The following KDM4C variants were observed in gnomAD, a reference collection of about 807,000 sequenced individuals.
The protein encoded by KDM4C is lysine demethylase 4C, also known as lysine-specific demethylase 4C.
Under a neutral mutation model 129.3 loss-of-function variants are expected in KDM4C, and 81 were observed. The ratio of observed to expected loss-of-function variants is 0.63; its 90% CI spans 0.52 to 0.75. The LOEUF is 0.75. Ranked by LOEUF, KDM4C falls within the 30% of genes least tolerant of loss-of-function variation. KDM4C has a pLI of 0.00. For synonymous variants in KDM4C, 573 were observed against 456.1 expected, an observed-to-expected ratio of 1.26 and a Z score of -3.26; for missense variants, 1,457 against 1,304.0, an observed-to-expected ratio of 1.12 and a Z score of -1.81.
chr9:7,105,665 G>A (rs1022399630), intron 18 of KDM4C, among the ~76,000 whole-genome samples: 3 of 152,100 alleles, frequency 2.0e-5, no homozygotes, highest in Non-Finnish European at 1.5e-5. Flanking sequence ...ACCTCAAATG[G>A]TGCTAGAGGT....
intron 8 of KDM4C, among the ~76,000 whole-genome samples, chr9:6,920,873 T>A (rs1821377831): frequency 6.6e-6 from 1 of 152,162 alleles, no homozygotes; most frequent in South Asian, 2.1e-4. Context: ...GGCCTTGAGG[T>A]TTCTTCCCCT....
chr9:7,000,089 T>A (rs1820460355), intron 12 of KDM4C, among the ~76,000 whole-genome samples: 1 of 152,158 alleles, frequency 6.6e-6, no homozygotes, highest in Non-Finnish European at 1.5e-5. Context: ...ACATTAGATG[T>A]TGTTGGCATT....
intron 4 of KDM4C, among the ~76,000 whole-genome samples, chr9:6,824,224 T>G (rs1833510343): frequency 6.6e-6 from 1 of 152,244 alleles, no homozygotes; most frequent in Non-Finnish European, 1.5e-5. Flanking sequence ...TTCGTGGCTA[T>G]TTCTTCTGCA....
intron 17 of KDM4C, among the ~76,000 whole-genome samples, chr9:7,069,417 TGG>T (rs771336999): frequency 2.6e-4 from 39 of 152,330 alleles, no homozygotes; most frequent in Non-Finnish European, 1.5e-4. Context: ...GCCAGGTGTG[TGG>T]GAGGATTGCT....
chr9:6,939,764 C>T (rs1276649060), intron 8 of KDM4C, among the ~76,000 whole-genome samples: 1 of 152,200 alleles, frequency 6.6e-6, no homozygotes, highest in East Asian at 1.9e-4. Flanking sequence ...GGTAAGGATA[C>T]ATTTGAAGAT....
At chr9:6,936,151 A>C (rs1824737933) in intron 8 of KDM4C, among the ~76,000 whole-genome samples, 10 of 152,204 alleles carry the variant, frequency 6.6e-5, no homozygotes, top group Admixed American at 6.5e-4. Context: ...GAGAGAAGGG[A>C]AAAAATTCCA....
chr9:7,110,103 A>C (rs1393936844), intron 18 of KDM4C, among the ~76,000 whole-genome samples: 1 of 152,186 alleles, frequency 6.6e-6, no homozygotes, highest in Non-Finnish European at 1.5e-5. Context: ...ATGAGAATGG[A>C]CTAATCCACA....
chr9:6,743,532 G>A (rs542710767), intron 1 of KDM4C, among the ~76,000 whole-genome samples: 200 of 150,938 alleles, frequency 1.3e-3, no homozygotes, highest in African/African-American at 4.7e-3. Context: ...TTTTGAGAGG[G>A]AGTCTCACTC....
chr9:6,832,016 T>C (rs1003274082), intron 4 of KDM4C, among the ~76,000 whole-genome samples: 7 of 152,192 alleles, frequency 4.6e-5, no homozygotes, highest in Non-Finnish European at 1.5e-5. Flanking sequence ...TGAGATGCTG[T>C]GTTATACTGT....
intron 18 of KDM4C, among the ~76,000 whole-genome samples, chr9:7,126,724 A>T (rs1304759050): frequency 6.6e-6 from 1 of 152,150 alleles, no homozygotes; most frequent in Non-Finnish European, 1.5e-5. Flanking sequence ...ATACCTAAGC[A>T]CCTGTATCTG....
At chr9:6,735,471 G>A (rs990077492) in intron 1 of KDM4C, among the ~76,000 whole-genome samples, 2 of 152,174 alleles carry the variant, frequency 1.3e-5, no homozygotes, top group African/African-American at 4.8e-5. Flanking sequence ...TATCATGGGA[G>A]GAACCTGGTG....
At chr9:6,825,424 G>A (rs1833728406) in intron 4 of KDM4C, among the ~76,000 whole-genome samples, 1 of 152,186 alleles carries the variant, frequency 6.6e-6, no homozygotes, top group African/African-American at 2.4e-5. Flanking sequence ...ATTGCACATA[G>A]ATGATGCAGA....
At chr9:6,930,284 C>T (rs1466581077) in intron 8 of KDM4C, among the ~76,000 whole-genome samples, 1 of 152,004 alleles carries the variant, frequency 6.6e-6, no homozygotes, top group Non-Finnish European at 1.5e-5. Flanking sequence ...TAACGCTGCC[C>T]CATTCTGACA....
At chr9:6,820,716 T>C (rs10121273) in intron 4 of KDM4C, among the ~76,000 whole-genome samples, 536 of 31,398 alleles carry the variant, frequency 0.017, 1 homozygote, top group African/African-American at 0.074. Context: ...CTCTCTCTCT[T>C]TTTTTTTTTT....
chr9:6,916,392 A>G (rs571503012), intron 8 of KDM4C, among the ~76,000 whole-genome samples: 4 of 152,024 alleles, frequency 2.6e-5, no homozygotes, highest in Non-Finnish European at 4.4e-5. Context: ...CTTTATCACA[A>G]GGGCTCAAAT....
In KDM4C at chr9:7,103,788, C is replaced by A; in HGVS notation, c.2528C>A (p.Ala843Asp). ...PASFHVTCAH[A>D]AGVLMEPDDW... is the part of the protein sequence containing the mutation. ...TCCTTCCATGTCACTTGTGCCCATG[C>A]TGCTGGGGTACTGATGGAGCCTGAT... is the stretch of plus-strand genomic sequence containing the variant. Residue 843 changes from alanine (A) to aspartate (D), a missense_variant, in exon 18 of 22, where the codon GCT becomes GAT. Ala to Asp is a moderately radical substitution (Grantham distance 126, BLOSUM62 -2). Transcript: ENST00000381309. The A allele has an allele frequency of 6.2e-7, 1 of 1,613,986 alleles. No individual in the cohort carries two copies. The highest frequency in any genetic ancestry group is 8.5e-7 in the Non-Finnish European group (1 of 1,179,930).
chr9:7,039,339 G>T (rs1587146203), intron 15 of KDM4C, among the ~76,000 whole-genome samples: 1 of 151,948 alleles, frequency 6.6e-6, no homozygotes, highest in Non-Finnish European at 1.5e-5. Context: ...GTTCTTAGGA[G>T]TAATCTGCTA....
intron 2 of KDM4C, among the ~76,000 whole-genome samples, chr9:6,800,395 T>G (rs1828708572): frequency 6.6e-6 from 1 of 151,378 alleles, no homozygotes. Flanking sequence ...AAAAATTAAC[T>G]GAGCGTAGGA....
intron 5 of KDM4C, among the ~76,000 whole-genome samples, chr9:6,855,027 A>G (rs1194284208): frequency 6.6e-6 from 1 of 152,250 alleles, no homozygotes; most frequent in Non-Finnish European, 1.5e-5. Context: ...CAAAGTACAT[A>G]TCACAGCTGG....
Sources: allele counts gnomAD v4.1 joint callset (sites outside exome capture counted in the v4.1 genomes callset), GRCh38; gene constraint gnomAD v4.1.1; transcripts MANE v1.5; gene names NCBI Gene and HGNC (gene_info 2026-07-23, HGNC 2026-07-21).